The following ALX1 variants were observed in gnomAD, a reference collection of about 807,000 sequenced individuals.
ALX1 encodes the protein ALX homeobox 1, also known as ALX homeobox protein 1.
ALX1 carries 19 observed loss-of-function variants against 31.7 expected under a neutral mutation model. The ratio of observed to expected loss-of-function variants is 0.60; its 90% CI spans 0.42 to 0.88. The LOEUF (loss-of-function observed/expected upper bound fraction) is 0.88. ALX1 is among the 40% of genes least tolerant of loss of function. The probability of loss-of-function intolerance (pLI) is 0.00; values close to 1 mark genes in which losing one functional copy is unlikely to be tolerated. For missense variants in ALX1, 415 were observed against 407.8 expected, an observed-to-expected ratio of 1.02 and a Z score of -0.15; for synonymous variants, 153 against 148.8, an observed-to-expected ratio of 1.03 and a Z score of -0.20.
intron 1 of ALX1, 135 bp downstream of exon 1, chr12:85,280,622 GA>G: frequency 1.0e-6 from 1 of 977,154 alleles, no homozygotes; most frequent in Non-Finnish European, 1.6e-6. Context: ...GAAGGTAGTG[GA>G]AGGTGCTCGC....
chr12:85,289,774 A>T (rs187794391), intron 3 of ALX1, among the ~76,000 whole-genome samples: 184 of 151,366 alleles, frequency 1.2e-3, no homozygotes, highest in Admixed American at 2.8e-3. Context: ...ATTTTAACTT[A>T]AATATATACA....
At position 85,301,447 on chromosome 12, in the gene ALX1, A is replaced by G. The variant is rs79265723; in HGVS notation, c.953A>G (p.His318Arg). Residue 318 changes from histidine (H) to arginine (R), a missense_variant, in exon 4 of 4, where the codon CAC (histidine) becomes CGC (arginine). Transcript: ENST00000316824. ...IAVLRMKAKE[H>R]TANISWAM ...GTTCTTCGAATGAAAGCCAAGGAGCACACCGCCAATATTTCATGGGCCATG... is the reference window on the plus strand; with the variant it reads ...GTTCTTCGAATGAAAGCCAAGGAGCGCACCGCCAATATTTCATGGGCCATG... 1 of 1,614,090 alleles carries G rather than the reference A, an allele frequency of 6.2e-7. No homozygotes were observed. The highest frequency in any genetic ancestry group is 1.3e-5 in the African/African-American group (1 of 75,050).
chr12:85,283,706 G>A lies in ALX1; in HGVS notation c.361G>A (p.Asp121Asn). Residue 121 changes from aspartate to asparagine, a missense_variant, in exon 2 of 4, where the codon GAT becomes AAT. This residue lies in a region of ALX1 where 235 missense variants were observed against 208.9 expected (regional missense o/e 1.13). Transcript: ENST00000316824. ...GAAGGGAGAGCTGGATGAACTTGGG[G>A]ATAAATGTGATAGCAATGTATCCAG... ...QEKGELDELG[D>N]KCDSNVSSSK... 5 of 1,614,128 alleles carry A rather than the reference G, an allele frequency of 3.1e-6. No homozygotes were observed. The highest frequency in any genetic ancestry group is 4.2e-6 in the Non-Finnish European group (5 of 1,180,010).
At chr12:85,286,736 TTC>T in intron 2 of ALX1, 115 bp from the exon 3 acceptor site, 1 of 975,604 alleles carries the variant, frequency 1.0e-6, no homozygotes, top group Admixed American at 2.8e-5. Flanking sequence ...ATAAATACAT[TTC>T]TTTTTACGTA....
intron 3 of ALX1, among the ~76,000 whole-genome samples, chr12:85,288,686 G>T (rs183056853): frequency 1.3e-5 from 2 of 151,508 alleles, no homozygotes; most frequent in East Asian, 3.9e-4. Context: ...TTATGTGCTA[G>T]GTGTTACTAA....
intron 3 of ALX1, among the ~76,000 whole-genome samples, chr12:85,298,425 A>G (rs1264173043): frequency 6.6e-6 from 1 of 151,798 alleles, no homozygotes; most frequent in Admixed American, 6.6e-5. Context: ...AAATGTTTAA[A>G]CACCCAGAGG....
rs1896960721 is a variant in ALX1 at position 85,301,249 on chromosome 12, A to G, written c.755A>G (p.Tyr252Cys). Residue 252 changes from tyrosine (Y) to cysteine (C), a missense_variant, in exon 4 of 4, where the codon TAT (tyrosine) becomes TGT (cysteine). Around this residue, in one of 3 missense-constraint regions of ALX1, gnomAD observed 174 missense variants for 177.5 expected, o/e 0.98. Coordinates refer to ENST00000316824, the MANE Select transcript of ALX1 (RefSeq NM_006982.3). ...GACACTTCCTCCTGTATGACACCTT[A>G]TTCTCACTCGCCTCGGACAGATTCC... Reference protein sequence around the residue: ...PRDTSSCMTPYSHSPRTDSSY... With the variant: ...PRDTSSCMTPCSHSPRTDSSY... 1 of 1,614,022 alleles carries G rather than the reference A, an allele frequency of 6.2e-7. No individual in the cohort carries two copies. Among genetic ancestry groups the G allele is most frequent in the East Asian group, 2.2e-5 (1 of 44,876 alleles).
rs371842650 is a variant in ALX1, at chr12:85,301,467, G to C, written c.973G>C (p.Ala325Pro). ...AKEHTANISW[A>P]M is the part of the protein sequence containing the mutation. ...GGAGCACACCGCCAATATTTCATGG[G>C]CCATGTAACATACAGTACTCTTTTA... The change falls in exon 4 of 4, where the codon GCC (alanine) becomes CCC (proline). Residue 325 changes from alanine to proline, a missense_variant. Physicochemically the swap from Ala to Pro is conservative, Grantham distance 27 (BLOSUM62 -1). Coordinates refer to ENST00000316824, the MANE Select transcript of ALX1 (RefSeq NM_006982.3). 3 of 1,613,646 alleles carry C rather than the reference G, an allele frequency of 1.9e-6. No homozygotes were observed. In the African/African-American group the frequency reaches 4.0e-5, roughly 22 times the overall value.
intron 1 of ALX1, 56 bp from the exon 2 acceptor site, chr12:85,283,516 A>G (rs952432486): frequency 9.0e-6 from 14 of 1,561,136 alleles, no homozygotes; most frequent in African/African-American, 2.7e-5. Context: ...TTATTGATTT[A>G]ATTGAGATGA....
intron 3 of ALX1, among the ~76,000 whole-genome samples, chr12:85,295,173 G>A (rs1512732): frequency 0.52 from 78,252 of 150,636 alleles, 24,314 homozygotes; most frequent in South Asian, 0.68. Context: ...CAAAGTCTCA[G>A]TGTGTGTTAG....
At chr12:85,298,921 G>A (rs914292872) in intron 3 of ALX1, among the ~76,000 whole-genome samples, 28 of 151,142 alleles carry the variant, frequency 1.9e-4, no homozygotes, top group African/African-American at 4.1e-4. Flanking sequence ...ATTATGTTAG[G>A]GAGGCAATAT....
chr12:85,297,740 A>G (rs1024084999), intron 3 of ALX1, among the ~76,000 whole-genome samples: 4 of 151,666 alleles, frequency 2.6e-5, no homozygotes, highest in Non-Finnish European at 5.9e-5. Flanking sequence ...CCTGAGCCAT[A>G]CTAAATGAAT....
At chr12:85,292,609 AAAC>A (rs1228359792) in intron 3 of ALX1, among the ~76,000 whole-genome samples, 24 of 151,152 alleles carry the variant, frequency 1.6e-4, no homozygotes, top group African/African-American at 2.4e-5. Flanking sequence ...TAAAGCTGTA[AAAC>A]ATTTTAGTTT....
chr12:85,295,415 A>C (rs980574541), intron 3 of ALX1, among the ~76,000 whole-genome samples: 17 of 151,616 alleles, frequency 1.1e-4, no homozygotes, highest in African/African-American at 4.1e-4. Flanking sequence ...CTGTTTTCCC[A>C]GAAATCAGTG....
At chr12:85,291,274 A>T (rs1276040293) in intron 3 of ALX1, among the ~76,000 whole-genome samples, 2 of 151,124 alleles carry the variant, frequency 1.3e-5, no homozygotes, top group Non-Finnish European at 1.5e-5. Context: ...AGGGATCAGG[A>T]ATATATAACT....
chr12:85,296,471 T>G (rs1414038283), intron 3 of ALX1, among the ~76,000 whole-genome samples: 1 of 151,604 alleles, frequency 6.6e-6, no homozygotes, highest in African/African-American at 2.4e-5. Flanking sequence ...TAATTAAGTG[T>G]TAACATTTAT....
intron 3 of ALX1, among the ~76,000 whole-genome samples, chr12:85,291,351 A>G (rs1426432046): frequency 6.6e-6 from 1 of 151,308 alleles, no homozygotes; most frequent in Admixed American, 6.6e-5. Context: ...CTAAATTTGC[A>G]AACACTTCTT....
chr12:85,301,445 G>A lies in ALX1; in HGVS notation c.951G>A (p.Glu317=), dbSNP rs1272098716. 1.9e-6 allele frequency: 3 copies of A among 1,613,846 alleles called. No homozygotes were observed. The highest frequency in any genetic ancestry group is 2.2e-5 in the East Asian group (1 of 44,884). The part of the protein sequence containing the change: ...SIAVLRMKAK[E]HTANISWAM Reference sequence around the variant, plus strand: ...CAGTTCTTCGAATGAAAGCCAAGGAGCACACCGCCAATATTTCATGGGCCA... The same window carrying A: ...CAGTTCTTCGAATGAAAGCCAAGGAACACACCGCCAATATTTCATGGGCCA... The change falls in exon 4 of 4, where the codon GAG becomes GAA. Residue 317 remains glutamate, a synonymous_variant. Transcript: ENST00000316824.
chr12:85,294,198 T>C (rs1896855512), intron 3 of ALX1, among the ~76,000 whole-genome samples: 1 of 151,202 alleles, frequency 6.6e-6, no homozygotes, highest in Non-Finnish European at 1.5e-5. Context: ...GCATAAAAGC[T>C]TAATTTACAA....
Sources: gnomAD v4.1 joint callset for allele counts (sites outside exome capture counted in the v4.1 genomes callset) on GRCh38, gnomAD v4.1.1 for gene constraint, gnomAD v4.1.1 regional missense constraint, MANE v1.5 for transcripts, NCBI Gene and HGNC (gene_info 2026-07-23, HGNC 2026-07-21) for gene names.